CELF2: variants seen among roughly 807,000 people sequenced by gnomAD.
CELF2 encodes the protein CUGBP Elav-like family member 2, also known as CUG triplet repeat RNA-binding protein 2.
In CELF2, 8 loss-of-function variants were observed where a neutral mutation model predicts 62.6. The observed-to-expected ratio is 0.13, with a 90% confidence interval of 0.07 to 0.23. The LOEUF (loss-of-function observed/expected upper bound fraction) is 0.23, where lower values mean the gene tolerates loss of function less well. CELF2 is among the 10% of genes least tolerant of loss of function. The probability of loss-of-function intolerance (pLI) is 1.00; values close to 1 mark genes in which losing one functional copy is unlikely to be tolerated. For synonymous variants in CELF2, 258 were observed against 250.0 expected (o/e 1.03, Z -0.30); for missense variants, 333 against 671.0 (o/e 0.50, Z 5.56).
the CELF2 span, among the ~76,000 whole-genome samples, chr10:10,489,153 CA>C: frequency 3.3e-5 from 5 of 150,634 alleles, no homozygotes; most frequent in Admixed American, 6.6e-5. Flanking sequence ...ACTTCTTCAC[CA>C]AAAAAAAACT....
chr10:10,557,308 G>T, the CELF2 span, among the ~76,000 whole-genome samples: 41,829 of 148,872 alleles, frequency 0.28, 7,325 homozygotes, highest in African/African-American at 0.49. Flanking sequence ...CCCCATTGCT[G>T]GTTTTTCTCA....
At chr10:10,718,900 C>A in the CELF2 span, among the ~76,000 whole-genome samples, 1 of 151,692 alleles carries the variant, frequency 6.6e-6, no homozygotes, top group Non-Finnish European at 1.5e-5. Context: ...AATAATTATT[C>A]AAATATTTCC....
At position 11,315,078 on chromosome 10, in the gene CELF2, G is replaced by A. The variant is rs1347680804; in HGVS notation, c.1096+820G>A. Among the ~76,000 whole-genome samples the A allele has an allele frequency of 6.6e-6, 1 of 152,204 alleles. No individual in the cohort carries two copies. The highest frequency in any genetic ancestry group is 1.5e-5 in the Non-Finnish European group (1 of 68,032). ...CCTGTCATTCTCGGTTGATGGGGGA[G>A]CAGTGTGCCGGCCAGAGGATAAGTC... On this transcript the variant is annotated intron_variant, in intron 10 of 12. Transcript: ENST00000633077. This position sits in a 1 kb window ranked among gnomAD's most constrained non-coding sequence, Gnocchi z 5.8.
chr10:10,515,719 A>G, the CELF2 span, among the ~76,000 whole-genome samples: 1 of 152,184 alleles, frequency 6.6e-6, no homozygotes, highest in South Asian at 2.1e-4. Flanking sequence ...AGGAGTCAGA[A>G]ATAAGAGATT....
At chr10:10,598,847 G>A in the CELF2 span, among the ~76,000 whole-genome samples, 367 of 134,468 alleles carry the variant, frequency 2.7e-3, 4 homozygotes, top group Admixed American at 0.015. Context: ...TCCGCCTCCC[G>A]GGTTAAAGCA....
At chr10:11,005,003 A>G (rs925893566), upstream of CELF2, 8 of 974,490 alleles carry the variant, frequency 8.2e-6, no homozygotes, top group East Asian at 1.1e-4. The surrounding 1 kb of genome is among the most constrained non-coding windows in gnomAD (Gnocchi z 4.3). Context: ...AAAAAGGTAA[A>G]TGAGTTCCTT....
At chr10:11,189,340 A>C (rs1037158368) in intron 2 of CELF2, among the ~76,000 whole-genome samples, 2 of 152,184 alleles carry the variant, frequency 1.3e-5, no homozygotes, top group African/African-American at 4.8e-5. Context: ...TTTCTATTTA[A>C]AGTGCATTTA....
At chr10:10,826,030 G>T (rs1383456623) in intron 1 of CELF2, among the ~76,000 whole-genome samples, 2 of 152,154 alleles carry the variant, frequency 1.3e-5, no homozygotes, top group Non-Finnish European at 2.9e-5. Context: ...GCAGGACTAG[G>T]AATAGAGTCA....
At chr10:10,904,818 T>A (rs2063208624) in intron 1 of CELF2, among the ~76,000 whole-genome samples, 1 of 152,194 alleles carries the variant, frequency 6.6e-6, no homozygotes, top group Admixed American at 6.5e-5. Flanking sequence ...CTAATGTGCA[T>A]ATATACACCT....
intron 3 of CELF2, among the ~76,000 whole-genome samples, chr10:11,245,204 TATA>T (rs1211358348): frequency 6.6e-6 from 1 of 152,252 alleles, no homozygotes; most frequent in Non-Finnish European, 1.5e-5. Flanking sequence ...TCTACTCTTT[TATA>T]ATAACTTCTC....
chr10:11,063,700 GA>G (rs1186688736), intron 1 of CELF2, among the ~76,000 whole-genome samples: 3 of 152,182 alleles, frequency 2.0e-5, no homozygotes, highest in African/African-American at 7.2e-5. Context: ...TCTTAACGTA[GA>G]TAAGACATCG....
intron 1 of CELF2, among the ~76,000 whole-genome samples, chr10:10,867,972 C>G (rs902033375): frequency 2.0e-5 from 3 of 152,150 alleles, no homozygotes; most frequent in Admixed American, 2.0e-4. Context: ...ATATTGTGTC[C>G]AGATTCTCAC....
At chr10:10,538,164 C>T in the CELF2 span, among the ~76,000 whole-genome samples, 1 of 152,144 alleles carries the variant, frequency 6.6e-6, no homozygotes, top group Non-Finnish European at 1.5e-5. Flanking sequence ...TGACAAAGGC[C>T]ATGTCCTTCA....
rs867406240 is a variant in CELF2, at chr10:10,894,043, A to C, written c.54-25921A>C. On this transcript the variant is annotated intron_variant, in intron 1 of 13. Coordinates refer to the CELF2 transcript ENST00000636488. ...AATGACTATGTTAACCATAACAGAA[A>C]TGAATGTGAGTCAGAAGCTTACAGA... Among the ~76,000 whole-genome samples, 3 of 152,286 alleles carry C rather than the reference A, an allele frequency of 2.0e-5. No individual in the cohort carries two copies. The South Asian group carries it at 6.2e-4, about 32-fold the overall frequency.
intron 2 of CELF2, among the ~76,000 whole-genome samples, chr10:10,973,555 A>T (rs977525054): frequency 6.6e-6 from 1 of 152,096 alleles, no homozygotes; most frequent in Non-Finnish European, 1.5e-5. Context: ...CTCTTTAAAG[A>T]TAGCCCTGAT....
intron 2 of CELF2, among the ~76,000 whole-genome samples, chr10:11,172,564 C>T (rs532487360): frequency 1.2e-4 from 18 of 152,248 alleles, no homozygotes; most frequent in South Asian, 2.1e-4. Context: ...CTGGTGATGC[C>T]GAGACTGTGC....
chr10:11,137,961 A>G (rs1425234965), intron 1 of CELF2, among the ~76,000 whole-genome samples: 1 of 152,220 alleles, frequency 6.6e-6, no homozygotes, highest in Non-Finnish European at 1.5e-5. Context: ...TGTTTGTTCA[A>G]TTTAGGATGG....
At chr10:11,082,803 T>C (rs985882654) in intron 1 of CELF2, among the ~76,000 whole-genome samples, 1 of 152,144 alleles carries the variant, frequency 6.6e-6, no homozygotes, top group African/African-American at 2.4e-5. Flanking sequence ...TAGGAAACAA[T>C]CTATTGACTT....
intron 1 of CELF2, among the ~76,000 whole-genome samples, chr10:10,824,402 C>G (rs2057219000): frequency 6.6e-6 from 1 of 152,072 alleles, no homozygotes; most frequent in South Asian, 2.1e-4. Context: ...TCCACAAAAC[C>G]CCCCAAATTC....
Sources: gnomAD v4.1 joint callset for allele counts (sites outside exome capture counted in the v4.1 genomes callset) on GRCh38, gnomAD v4.1.1 for gene constraint, Gnocchi (gnomAD v3.1) non-coding constraint, MANE v1.5 for transcripts, NCBI Gene and HGNC (gene_info 2026-07-23, HGNC 2026-07-21) for gene names.